KALRN: variants seen among roughly 807,000 people sequenced by gnomAD.
KALRN encodes kalirin RhoGEF kinase.
Under a neutral mutation model 353.7 loss-of-function variants are expected in KALRN, and 70 were observed. The observed-to-expected ratio is 0.20, with a 90% CI of 0.16 to 0.24. The LOEUF (loss-of-function observed/expected upper bound fraction) is 0.24, where lower values mean the gene tolerates loss of function less well. Among genes scored for constraint, KALRN ranks in the 10% least tolerant of loss-of-function variants. The pLI is 1.00. For synonymous variants in KALRN, 1,391 were observed against 1,434.8 expected (o/e 0.97, Z 0.69); for missense variants, 2,791 against 3,756.7 (o/e 0.74, Z 6.72).
intron 1 of KALRN, among the ~76,000 whole-genome samples, chr3:124,121,275 T>C (rs2064002400): frequency 6.6e-6 from 1 of 152,128 alleles, no homozygotes; most frequent in Admixed American, 6.5e-5. Context: ...AGGTTTTGAT[T>C]GTTTATATTT....
intron 1 of KALRN, among the ~76,000 whole-genome samples, chr3:124,146,644 G>A (rs1055578440): frequency 2.6e-5 from 4 of 152,030 alleles, no homozygotes; most frequent in African/African-American, 7.2e-5. Context: ...TTGGGAGGCC[G>A]AGGCAGGCAG....
intron 5 of KALRN, among the ~76,000 whole-genome samples, chr3:124,291,909 C>T (rs2076454443): frequency 6.6e-6 from 1 of 152,222 alleles, no homozygotes; most frequent in Non-Finnish European, 1.5e-5. Context: ...ATTACACCTA[C>T]AGCCTCTCAG....
intron 33 of KALRN, among the ~76,000 whole-genome samples, chr3:124,560,820 T>C (rs771367117): frequency 6.6e-6 from 1 of 152,154 alleles, no homozygotes; most frequent in Non-Finnish European, 1.5e-5. Context: ...GAAACTGCAG[T>C]GAGCCAAGAT....
At chr3:124,363,356 C>G (rs1198638172) in intron 10 of KALRN, among the ~76,000 whole-genome samples, 1 of 152,130 alleles carries the variant, frequency 6.6e-6, no homozygotes, top group East Asian at 1.9e-4. Flanking sequence ...GAGAAGTATA[C>G]AGGGATTATA....
At chr3:124,429,186 G>A (rs1393992647) in intron 15 of KALRN, among the ~76,000 whole-genome samples, 1 of 152,172 alleles carries the variant, frequency 6.6e-6, no homozygotes, top group Non-Finnish European at 1.5e-5. Context: ...TTACAGATTG[G>A]CATCTCATCT....
rs1294683940 is a variant in KALRN at position 124,238,139 on chromosome 3, G to C, written c.263+3196G>C. ...TTTTAAGAACTACATAGATCAGTTA[G>C]AGTGCTGTCAAGGAAGCAGCACATT... is the stretch of plus-strand genomic sequence containing the variant. On this transcript the variant is annotated intron_variant, in intron 3 of 59. Coordinates refer to ENST00000682506, the MANE Select transcript of KALRN (RefSeq NM_001388419.1). 3.3e-5 allele frequency among the ~76,000 whole-genome samples: 5 copies of C among 152,126 alleles called. No homozygotes were observed. The East Asian group carries it at 9.7e-4, about 29-fold the overall frequency.
chr3:124,224,644 A>G (rs998439891), intron 1 of KALRN, among the ~76,000 whole-genome samples: 5 of 152,132 alleles, frequency 3.3e-5, no homozygotes, highest in African/African-American at 1.2e-4. Flanking sequence ...CTACCTGCAA[A>G]ATGGGGTGAT....
chr3:124,713,210 G>A, intron 58 of KALRN, 75 bp downstream of exon 58: 1 of 1,303,694 alleles, frequency 7.7e-7, no homozygotes, highest in Non-Finnish European at 1.1e-6. Flanking sequence ...TAATGGAAAA[G>A]ACAGTTACAT....
chr3:124,202,407 T>G (rs1359413594), intron 1 of KALRN, among the ~76,000 whole-genome samples: 2 of 152,132 alleles, frequency 1.3e-5, no homozygotes, highest in African/African-American at 4.8e-5. Context: ...CGTGCCACCA[T>G]GCCCAGCTAA....
At chr3:124,063,321 A>G (rs557529529) in intron 1 of KALRN, among the ~76,000 whole-genome samples, 1 of 152,234 alleles carries the variant, frequency 6.6e-6, no homozygotes, top group African/African-American at 2.4e-5. Context: ...AGAGAAGGGG[A>G]GGGTGACGGG....
intron 1 of KALRN, among the ~76,000 whole-genome samples, chr3:124,136,182 A>G (rs1423417374): frequency 6.7e-6 from 1 of 150,108 alleles, no homozygotes; most frequent in Non-Finnish European, 1.5e-5. Flanking sequence ...CTAAGAACTG[A>G]TAGTTTAGAT....
At chr3:124,357,980 C>G (rs1405956048) in intron 10 of KALRN, among the ~76,000 whole-genome samples, 4 of 152,138 alleles carry the variant, frequency 2.6e-5, no homozygotes, top group South Asian at 2.1e-4. Context: ...AGAGGTAGAT[C>G]AGATGAATAT....
chr3:124,263,356 T>G (rs905381126), intron 3 of KALRN, among the ~76,000 whole-genome samples: 1 of 152,212 alleles, frequency 6.6e-6, no homozygotes, highest in East Asian at 1.9e-4. Flanking sequence ...TCAGTTCCAC[T>G]CTTGGCTCTC....
At chr3:124,587,834 A>G (rs748464715) in intron 34 of KALRN, among the ~76,000 whole-genome samples, 1 of 151,078 alleles carries the variant, frequency 6.6e-6, no homozygotes, top group Non-Finnish European at 1.5e-5. Flanking sequence ...GGCTGGGACC[A>G]TAGGTGCATG....
At chr3:124,367,444 G>A (rs1316950752) in intron 10 of KALRN, among the ~76,000 whole-genome samples, 6 of 83,144 alleles carry the variant, frequency 7.2e-5, no homozygotes, top group African/African-American at 3.2e-4. Context: ...CGGACGGGGC[G>A]GCTGGCCAGG....
At position 124,430,861 on chromosome 3, in the gene KALRN, C is replaced by T. The variant is rs1256682485; in HGVS notation, c.2829+86C>T. On this transcript the variant is annotated intron_variant, in intron 16 of 59. Transcript: ENST00000682506. ...GGGTGATTCTCAGGTGTGGGTGTTC[C>T]TTCAGGCAGCGAAGGCTGTACCCCT... The T allele has an allele frequency of 3.4e-6, 5 of 1,477,778 alleles. No homozygotes were observed. The East Asian group carries it at 9.8e-5, about 29-fold the overall frequency. The allele number at this position is 1,477,778 out of a possible 1,614,324, so 91.5% of individuals were successfully genotyped here. A position where few individuals can be genotyped will look rare whatever the true frequency, so the allele number is the denominator to read the frequency against.
chr3:124,079,377 G>C (rs770982274), intron 1 of KALRN, among the ~76,000 whole-genome samples: 1 of 152,190 alleles, frequency 6.6e-6, no homozygotes, highest in Non-Finnish European at 1.5e-5. Context: ...GATTATGAAT[G>C]ATACTTACAT....
rs1387534129 is a variant in KALRN at position 124,724,520 on chromosome 3, CTT to C, written c.*5051_*5052del. 2.0e-5 allele frequency: 3 copies of C among 152,060 alleles called. No homozygotes were observed. The highest frequency in any genetic ancestry group is 7.2e-5 in the African/African-American group (3 of 41,394). 9.4% of individuals were successfully genotyped at this position (152,060 alleles called of 1,614,324 possible). A position where few individuals can be genotyped will look rare whatever the true frequency, so the allele number is the denominator to read the frequency against. On this transcript the variant is annotated 3_prime_UTR_variant, in exon 60 of 60. Coordinates refer to ENST00000682506, the MANE Select transcript of KALRN (RefSeq NM_001388419.1). ...GATGAATGATTAAACCCATGGTGGG[CTT>C]AGAGACGACAGAGCTCACACACGCT...
chr3:124,381,065 A>C (rs1175745254), intron 10 of KALRN, among the ~76,000 whole-genome samples: 1 of 152,240 alleles, frequency 6.6e-6, no homozygotes, highest in Non-Finnish European at 1.5e-5. Flanking sequence ...TGCACTAGAA[A>C]GTAGCAGGTA....
Sources: gnomAD v4.1 joint callset for allele counts (sites outside exome capture counted in the v4.1 genomes callset) on GRCh38, gnomAD v4.1.1 for gene constraint, MANE v1.5 for transcripts, NCBI Gene and HGNC (gene_info 2026-07-23, HGNC 2026-07-21) for gene names.